TMEM117: variants seen among roughly 807,000 people sequenced by gnomAD.
TMEM117 encodes transmembrane protein 117.
A neutral mutation model predicts 52.4 loss-of-function variants in TMEM117; 27 were observed. The ratio of observed to expected loss-of-function variants is 0.51; its 90% CI spans 0.38 to 0.71. The LOEUF is 0.71. TMEM117 is among the 30% of genes least tolerant of loss of function. TMEM117 has a pLI of 0.00. For synonymous variants in TMEM117, 215 were observed against 206.3 expected, an observed-to-expected ratio of 1.04 and a Z score of -0.36; for missense variants, 556 against 630.5, an observed-to-expected ratio of 0.88 and a Z score of 1.26.
At chr12:44,095,719 A>G (rs1242905040) in intron 3 of TMEM117, among the ~76,000 whole-genome samples, 1 of 152,102 alleles carries the variant, frequency 6.6e-6, no homozygotes, top group African/African-American at 2.4e-5. Flanking sequence ...ATAGCTTCCA[A>G]ATCTTCACCA....
intron 2 of TMEM117, among the ~76,000 whole-genome samples, chr12:43,884,959 A>T (rs118040428): frequency 0.01 from 1,597 of 152,264 alleles, 9 homozygotes; most frequent in Non-Finnish European, 0.017. Flanking sequence ...ACTCTTGCTG[A>T]CTTGCCCATG....
chr12:43,979,682 T>A (rs1945728709), intron 3 of TMEM117, among the ~76,000 whole-genome samples: 1 of 152,108 alleles, frequency 6.6e-6, no homozygotes, highest in Admixed American at 6.6e-5. Context: ...AGCCCATAAG[T>A]CATGCAAAAG....
chr12:44,329,675 C>G (rs149568195), intron 6 of TMEM117, among the ~76,000 whole-genome samples: 4 of 152,050 alleles, frequency 2.6e-5, no homozygotes, highest in Non-Finnish European at 5.9e-5. Context: ...TTCCTTTCTC[C>G]CCTTGTGCCT....
chr12:44,371,092 A>G (rs1951858111), intron 6 of TMEM117, among the ~76,000 whole-genome samples: 2 of 152,198 alleles, frequency 1.3e-5, no homozygotes, highest in African/African-American at 2.4e-5. Flanking sequence ...AGGTTTCTTA[A>G]TAAGAAACAA....
chr12:43,909,202 G>A (rs199914146), intron 2 of TMEM117, among the ~76,000 whole-genome samples: 1 of 60,422 alleles, frequency 1.7e-5, no homozygotes, highest in Non-Finnish European at 5.4e-5. Context: ...CTCACTCAAA[G>A]CCGCTCAACT....
chr12:44,077,409 T>G (rs530016483), intron 3 of TMEM117, among the ~76,000 whole-genome samples: 1 of 152,346 alleles, frequency 6.6e-6, no homozygotes, highest in Non-Finnish European at 1.5e-5. Flanking sequence ...GAACTCTTTT[T>G]TTTGTTACTT....
At chr12:44,320,865 C>A (rs1266540327) in intron 6 of TMEM117, among the ~76,000 whole-genome samples, 1 of 152,082 alleles carries the variant, frequency 6.6e-6, no homozygotes, top group East Asian at 1.9e-4. Context: ...GTAAGAATTG[C>A]CTAGAATAGT....
chr12:44,211,974 C>T (rs1449719200), intron 5 of TMEM117, among the ~76,000 whole-genome samples: 2 of 152,198 alleles, frequency 1.3e-5, no homozygotes, highest in African/African-American at 4.8e-5. Context: ...AGGGCACTTT[C>T]ACGTGGCTGT....
intron 3 of TMEM117, among the ~76,000 whole-genome samples, chr12:44,095,067 A>C (rs1286141241): frequency 1.3e-5 from 2 of 152,112 alleles, no homozygotes; most frequent in Non-Finnish European, 2.9e-5. Flanking sequence ...TCGTCTGAGC[A>C]TTAAAAAGAT....
intron 4 of TMEM117, among the ~76,000 whole-genome samples, chr12:44,197,338 C>A (rs555393732): frequency 1.3e-4 from 20 of 152,150 alleles, no homozygotes; most frequent in African/African-American, 4.6e-4. Flanking sequence ...TATGGTATAT[C>A]GTACATAATT....
At chr12:43,955,892 T>TA (rs1490329389) in intron 3 of TMEM117, among the ~76,000 whole-genome samples, 70 of 152,260 alleles carry the variant, frequency 4.6e-4, no homozygotes, top group African/African-American at 1.6e-3. Flanking sequence ...CCTTTAAACT[T>TA]ACTACAACAC....
intron 5 of TMEM117, among the ~76,000 whole-genome samples, chr12:44,284,977 C>G (rs570464328): frequency 6.6e-6 from 1 of 152,336 alleles, no homozygotes; most frequent in South Asian, 2.1e-4. Context: ...CAAGCCACTA[C>G]AATAAATACA....
At chr12:43,984,241 G>A (rs569063830) in intron 3 of TMEM117, among the ~76,000 whole-genome samples, 4 of 152,140 alleles carry the variant, frequency 2.6e-5, no homozygotes, top group African/African-American at 4.8e-5. Flanking sequence ...AGTGGTACAC[G>A]TCTGTAGTCC....
chr12:43,914,928 C>G (rs1465721827), intron 2 of TMEM117, among the ~76,000 whole-genome samples: 2 of 152,132 alleles, frequency 1.3e-5, no homozygotes, highest in Admixed American at 1.3e-4. Flanking sequence ...TTAAAACTCA[C>G]TGTACATCTG....
At chr12:44,377,780 A>G (rs1223340216) in intron 7 of TMEM117, among the ~76,000 whole-genome samples, 2 of 152,224 alleles carry the variant, frequency 1.3e-5, no homozygotes, top group Non-Finnish European at 2.9e-5. Flanking sequence ...CTGTGCTGCC[A>G]AATAAAAATA....
chr12:44,267,157 A>G (rs1950388128), intron 5 of TMEM117, among the ~76,000 whole-genome samples: 1 of 151,880 alleles, frequency 6.6e-6, no homozygotes, highest in African/African-American at 2.4e-5. Context: ...CATAAAATAT[A>G]TTTCTTTTTA....
intron 2 of TMEM117, among the ~76,000 whole-genome samples, chr12:43,884,631 T>C (rs1418238574): frequency 6.6e-6 from 1 of 152,230 alleles, no homozygotes; most frequent in Non-Finnish European, 1.5e-5. Flanking sequence ...ATCTTCCATA[T>C]TCTTGCTCCA....
chr12:44,210,546 A>G (rs2138395960), intron 4 of TMEM117, among the ~76,000 whole-genome samples: 1 of 152,304 alleles, frequency 6.6e-6, no homozygotes, highest in African/African-American at 2.4e-5. Context: ...AGGTAGAAAG[A>G]TCTTCACTGG....
At chr12:43,921,166 G>A (rs1051767935) in intron 2 of TMEM117, among the ~76,000 whole-genome samples, 3 of 151,992 alleles carry the variant, frequency 2.0e-5, no homozygotes, top group Non-Finnish European at 4.4e-5. Flanking sequence ...TGCATTATTT[G>A]TTGGTTTGTC....
Sources: allele counts gnomAD v4.1 joint callset (sites outside exome capture counted in the v4.1 genomes callset), GRCh38; gene constraint gnomAD v4.1.1; transcripts MANE v1.5; gene names NCBI Gene and HGNC (gene_info 2026-07-23, HGNC 2026-07-21).